MYL4: variants seen among roughly 807,000 people sequenced by gnomAD.
The protein encoded by MYL4 is myosin light chain 4.
MYL4 carries 16 observed loss-of-function variants against 21.6 expected under a neutral mutation model. That is an observed-to-expected ratio of 0.74 (90% CI 0.50 to 1.12). The LOEUF (loss-of-function observed/expected upper bound fraction) is 1.12, where lower values mean the gene tolerates loss of function less well. Ranked by LOEUF, MYL4 falls within the 50% of genes most tolerant of loss-of-function variation. The probability of loss-of-function intolerance (pLI) is 0.00; values close to 1 mark genes in which losing one functional copy is unlikely to be tolerated. For synonymous variants in MYL4, 82 were observed against 95.7 expected, an observed-to-expected ratio of 0.86 and a Z score of 0.83; for missense variants, 249 against 252.9, an observed-to-expected ratio of 0.98 and a Z score of 0.11.
chr17:47,201,743 A>G (rs1177699343), intron 1 of MYL4, among the ~76,000 whole-genome samples: 3 of 152,154 alleles, frequency 2.0e-5, no homozygotes, highest in Non-Finnish European at 4.4e-5. Flanking sequence ...GGCGTGAGCC[A>G]CTGCACCTGG....
chr17:47,221,807 A>G lies in MYL4; in HGVS notation c.439A>G (p.Asn147Asp). ...EGLRVFDKESNGTVMGAELRH... is the reference protein window; with the variant it reads ...EGLRVFDKESDGTVMGAELRH... ...CCTGCGTGTCTTTGACAAGGAGAGC[A>G]ATGGCACGGTCATGGGTGCTGAGCT... The change falls in exon 4 of 7, where the codon AAT (asparagine) becomes GAT (aspartate). Residue 147 changes from asparagine to aspartate, a missense_variant. Asn to Asp is a conservative substitution (Grantham distance 23, BLOSUM62 1). Transcript: ENST00000393450. The G allele has an allele frequency of 6.2e-7, 1 of 1,614,142 alleles. No homozygotes were observed. Among genetic ancestry groups the G allele is most frequent in the South Asian group, 1.1e-5 (1 of 91,080 alleles).
chr17:47,209,288 C>T (rs942617081), upstream of MYL4: 10 of 1,162,804 alleles, frequency 8.6e-6, no homozygotes, highest in Non-Finnish European at 1.0e-5. Flanking sequence ...TGCTTTCACC[C>T]AGCCCCTCTG....
At chr17:47,192,821 A>G in the MYL4 span, among the ~76,000 whole-genome samples, 103 of 152,248 alleles carry the variant, frequency 6.8e-4, no homozygotes, top group African/African-American at 2.5e-3. Flanking sequence ...CTCGCTATTC[A>G]TCAACCACTT....
chr17:47,215,632 T>C (rs1379643406), intron 2 of MYL4, among the ~76,000 whole-genome samples: 1 of 152,226 alleles, frequency 6.6e-6, no homozygotes, highest in African/African-American at 2.4e-5. Flanking sequence ...AATCTTAATT[T>C]TCTTATCCAC....
At chr17:47,203,611 G>A (rs2064717089) in intron 1 of MYL4, among the ~76,000 whole-genome samples, 1 of 152,040 alleles carries the variant, frequency 6.6e-6, no homozygotes, top group Non-Finnish European at 1.5e-5. Context: ...CTTTTAGCAT[G>A]ATTTTTGGGC....
rs1374321700 is a variant in MYL4, at chr17:47,213,713, G to A, written c.136-86G>A. 4 of 1,402,440 alleles carry A rather than the reference G, an allele frequency of 2.9e-6. No homozygotes were observed. In the East Asian group the frequency reaches 6.9e-5, roughly 24 times the overall value. The allele number at this position is 1,402,440 out of a possible 1,614,324, so 86.9% of individuals were successfully genotyped here. ...TGGAGGTGGCCATACTGCATTGGAA[G>A]CCACTTCTGCTTCTACTTCCCTTTG... On this transcript the variant is annotated intron_variant, in intron 1 of 6. Transcript: ENST00000393450.
the MYL4 span, chr17:47,189,484 T>G: frequency 2.2e-6 from 1 of 459,736 alleles, no homozygotes; most frequent in South Asian, 2.4e-5. Context: ...AGGTTTCTCT[T>G]CTCAGCCACG....
At chr17:47,194,398 A>C in the MYL4 span, among the ~76,000 whole-genome samples, 107,919 of 152,060 alleles carry the variant, frequency 0.71, 38,618 homozygotes, top group East Asian at 0.82. Context: ...AGTTTTATCT[A>C]CTGGTTTCAG....
chr17:47,211,564 G>A (rs2064775875), intron 1 of MYL4, among the ~76,000 whole-genome samples: 1 of 152,162 alleles, frequency 6.6e-6, no homozygotes, highest in African/African-American at 2.4e-5. Context: ...CTTTTCCTCA[G>A]AGAGTGAATG....
At chr17:47,216,940 C>T (rs951305818) in intron 2 of MYL4, among the ~76,000 whole-genome samples, 14 of 152,116 alleles carry the variant, frequency 9.2e-5, no homozygotes, top group African/African-American at 3.1e-4. Flanking sequence ...GTGATCTGCC[C>T]GCCTTGGCCT....
upstream of MYL4, among the ~76,000 whole-genome samples, chr17:47,204,846 C>G (rs2064721824): frequency 6.6e-6 from 1 of 152,200 alleles, no homozygotes; most frequent in Non-Finnish European, 1.5e-5. Flanking sequence ...ACCCAGTACT[C>G]TCTATGGGGA....
intron 3 of MYL4, among the ~76,000 whole-genome samples, chr17:47,220,504 A>C (rs1342614648): frequency 6.6e-6 from 1 of 152,222 alleles, no homozygotes; most frequent in Non-Finnish European, 1.5e-5. Flanking sequence ...TGACGTTTGC[A>C]AATTGTTTGG....
the MYL4 span, among the ~76,000 whole-genome samples, chr17:47,192,678 T>G: frequency 6.6e-6 from 1 of 151,908 alleles, no homozygotes; most frequent in Non-Finnish European, 1.5e-5. Flanking sequence ...CCTTTCTGAT[T>G]GTTGTTGACC....
chr17:47,214,201 G>A (rs1460387334), intron 2 of MYL4, among the ~76,000 whole-genome samples: 2 of 152,136 alleles, frequency 1.3e-5, no homozygotes, highest in Non-Finnish European at 2.9e-5. Flanking sequence ...CAGACTGCTT[G>A]GAGCATAGTA....
rs903454940 is a variant in MYL4 at position 47,212,980 on chromosome 17, G to A, written c.136-819G>A. ...TGAAGGAGGGGTTGGAGTGGGATGC[G>A]GTGTGGGAAGCCTTCATTGAAGGGA... On this transcript the variant is annotated intron_variant, in intron 1 of 6. Coordinates refer to ENST00000393450, the MANE Select transcript of MYL4 (RefSeq NM_002476.2). 7.2e-5 allele frequency among the ~76,000 whole-genome samples: 11 copies of A among 152,210 alleles called. No homozygotes were observed. In the South Asian group the frequency reaches 1.2e-3, roughly 17 times the overall value.
Position 47,223,020 on chromosome 17 carries a change from T to C in MYL4, c.572T>C (p.Val191Ala). Residue 191 changes from valine (V) to alanine (A), a missense_variant, in exon 6 of 7, where the codon GTC becomes GCC. Val to Ala is a moderately conservative substitution (Grantham distance 64). Coordinates refer to ENST00000393450, the MANE Select transcript of MYL4 (RefSeq NM_002476.2). ...ATTTTCACTTTTTTCCTAGCCTTTGTCAAGCACATCATGTCAGGGTGAAGC... is the reference window on the plus strand; with the variant it reads ...ATTTTCACTTTTTTCCTAGCCTTTGCCAAGCACATCATGTCAGGGTGAAGC... The part of the protein sequence containing the change: ...ANGCINYEAF[V>A]KHIMSG The C allele has an allele frequency of 6.2e-7, 1 of 1,614,152 alleles. No individual in the cohort carries two copies. Among genetic ancestry groups the C allele is most frequent in the Non-Finnish European group, 8.5e-7 (1 of 1,180,010 alleles).
At chr17:47,190,171 T>C in the MYL4 span, among the ~76,000 whole-genome samples, 1,201 of 152,310 alleles carry the variant, frequency 7.9e-3, 18 homozygotes, top group East Asian at 0.052. Context: ...GGCATTCCGC[T>C]GTGGTGGGAA....
At chr17:47,199,453 T>G (rs1322682248), upstream of MYL4, among the ~76,000 whole-genome samples, 1 of 152,134 alleles carries the variant, frequency 6.6e-6, no homozygotes, top group African/African-American at 2.4e-5. Flanking sequence ...CCCAAAGTAC[T>G]GGGATTATAG....
chr17:47,197,873 A>T (rs1221603280), upstream of MYL4, among the ~76,000 whole-genome samples: 1 of 152,182 alleles, frequency 6.6e-6, no homozygotes, highest in Non-Finnish European at 1.5e-5. Flanking sequence ...AAGGCAGGAG[A>T]CTATAAGCAA....
Sources: allele counts gnomAD v4.1 joint callset (sites outside exome capture counted in the v4.1 genomes callset), GRCh38; gene constraint gnomAD v4.1.1; transcripts MANE v1.5; gene names NCBI Gene and HGNC (gene_info 2026-07-23, HGNC 2026-07-21).